The following MRPL39 variants were observed in gnomAD, a reference collection of about 807,000 sequenced individuals.
MRPL39 encodes mitochondrial ribosomal protein L39.
MRPL39 carries 35 observed loss-of-function variants against 44.5 expected under a neutral mutation model. That is an observed-to-expected ratio of 0.79 (90% confidence interval 0.60 to 1.04). The LOEUF is 1.04. Among genes scored for constraint, MRPL39 ranks in the 50% least tolerant of loss-of-function variants. The pLI, the probability that MRPL39 is intolerant of heterozygous loss-of-function variation, is 0.00. For synonymous variants in MRPL39, 139 were observed against 136.1 expected, an observed-to-expected ratio of 1.02 and a Z score of -0.15; for missense variants, 433 against 413.5, an observed-to-expected ratio of 1.05 and a Z score of -0.41.
intron 8 of MRPL39, among the ~76,000 whole-genome samples, chr21:25,591,908 C>T (rs1185347500): frequency 7.2e-5 from 11 of 152,190 alleles, no homozygotes; most frequent in Admixed American, 7.2e-4. Flanking sequence ...CTGAAAATAA[C>T]TCAGATGTCC....
upstream of MRPL39, chr21:25,607,555 A>G: frequency 1.4e-6 from 2 of 1,451,806 alleles, no homozygotes; most frequent in Middle Eastern, 1.8e-4. Context: ...GGAGTTCCGC[A>G]GGACAGGTCT....
intron 6 of MRPL39, 150 bp downstream of exon 6, chr21:25,597,152 G>A (rs2031384384): frequency 1.7e-6 from 1 of 573,614 alleles, no homozygotes; most frequent in Admixed American, 3.8e-5. Flanking sequence ...ATTTTCCTCA[G>A]CGAAATAAAT....
At chr21:25,587,710 G>C in intron 9 of MRPL39, 1 of 1,602,640 alleles carries the variant, frequency 6.2e-7, no homozygotes, top group Non-Finnish European at 8.6e-7. Flanking sequence ...CTCTGAGACT[G>C]TTCCATGGAG....
chr21:25,593,929 G>C lies in MRPL39; in HGVS notation c.731C>G (p.Ala244Gly). The change falls in exon 7 of 10, where the codon GCA becomes GGA. Residue 244 changes from alanine to glycine, a missense_variant. Coordinates refer to ENST00000352957, the MANE Select transcript of MRPL39 (RefSeq NM_017446.4). ...GACTATTCTCTCAGGGTTCTGAGAT[G>C]CCTTCTCTTCTATGAAATCTACTTT... ...KYKVDFIEEK[A>G]SQNPERIVKL... 1 of 1,613,604 alleles carries C rather than the reference G, an allele frequency of 6.2e-7. No individual in the cohort carries two copies. Among genetic ancestry groups the C allele is most frequent in the South Asian group, 1.1e-5 (1 of 91,036 alleles).
intron 8 of MRPL39, among the ~76,000 whole-genome samples, chr21:25,591,310 C>A (rs1291780554): frequency 6.6e-6 from 1 of 151,730 alleles, no homozygotes; most frequent in East Asian, 2.0e-4. Flanking sequence ...AAACTAGTTT[C>A]ATCAAAATTA....
intron 8 of MRPL39, among the ~76,000 whole-genome samples, chr21:25,590,166 C>T (rs2031127323): frequency 6.6e-6 from 1 of 152,090 alleles, no homozygotes; most frequent in South Asian, 2.1e-4. Context: ...TTATAAGGTG[C>T]ATAGATTCAG....
intron 6 of MRPL39, among the ~76,000 whole-genome samples, chr21:25,595,575 A>G (rs1278084105): frequency 6.6e-6 from 1 of 152,236 alleles, no homozygotes; most frequent in Admixed American, 6.5e-5. Context: ...GTAAAGTACC[A>G]TGGTGCACTT....
intron 3 of MRPL39, 29 bp from the exon 4 acceptor site, chr21:25,601,496 A>T: frequency 7.2e-7 from 1 of 1,381,558 alleles, no homozygotes; most frequent in Non-Finnish European, 9.9e-7. Context: ...TATATAAAAT[A>T]TATATAAACA....
chr21:25,599,763 C>T (rs1160601423), intron 5 of MRPL39, 36 bp downstream of exon 5: 2 of 1,522,084 alleles, frequency 1.3e-6, no homozygotes, highest in East Asian at 2.3e-5. Context: ...GAAAGGCAGA[C>T]ACTCTAAAAT....
At chr21:25,592,044 G>T (rs2031194725) in intron 8 of MRPL39, among the ~76,000 whole-genome samples, 1 of 152,186 alleles carries the variant, frequency 6.6e-6, no homozygotes, top group Non-Finnish European at 1.5e-5. Context: ...GAATTATACT[G>T]AGTGAAAAGT....
At chr21:25,592,525 C>A (rs372660905) in intron 8 of MRPL39, among the ~76,000 whole-genome samples, 2 of 152,244 alleles carry the variant, frequency 1.3e-5, no homozygotes, top group East Asian at 3.9e-4. Context: ...GGAAGTCTTA[C>A]CAATACGCAC....
At chr21:25,606,766 G>A (rs1247316564) in intron 1 of MRPL39, 111 bp from the exon 2 acceptor site, 3 of 800,646 alleles carry the variant, frequency 3.7e-6, no homozygotes, top group East Asian at 2.6e-5. Flanking sequence ...AACACCAGCG[G>A]AAGAAACAGA....
chr21:25,603,617 GCCA>G, intron 3 of MRPL39, among the ~76,000 whole-genome samples, 176 bp downstream of exon 3: 1 of 152,252 alleles, frequency 6.6e-6, no homozygotes, highest in East Asian at 1.9e-4. Flanking sequence ...ACAAATGGAT[GCCA>G]CTGATAAGTT....
intron 2 of MRPL39, among the ~76,000 whole-genome samples, chr21:25,605,831 A>G (rs2031647402): frequency 6.6e-6 from 1 of 152,144 alleles, no homozygotes. Context: ...GTGAGCTATG[A>G]TAGTACCACT....
At chr21:25,598,482 T>C (rs905398767) in intron 5 of MRPL39, among the ~76,000 whole-genome samples, 3 of 150,980 alleles carry the variant, frequency 2.0e-5, no homozygotes, top group Non-Finnish European at 4.4e-5. Context: ...AAAGCAGTTA[T>C]GTTTCACAGA....
At chr21:25,602,288 T>G (rs2031545667) in intron 3 of MRPL39, among the ~76,000 whole-genome samples, 2 of 152,210 alleles carry the variant, frequency 1.3e-5, no homozygotes, top group South Asian at 4.1e-4. Context: ...TCAGAATGCC[T>G]AGGTTCAAAT....
At position 25,592,906 on chromosome 21, in the gene MRPL39, A is replaced by C. The variant is rs1408421950; in HGVS notation, c.827T>G (p.Phe276Cys). 4 of 1,613,020 alleles carry C rather than the reference A, an allele frequency of 2.5e-6. No individual in the cohort carries two copies. In the South Asian group the frequency reaches 3.3e-5, roughly 13 times the overall value. Residue 276 changes from phenylalanine to cysteine, a missense_variant, in exon 8 of 10, where the codon TTC (phenylalanine) becomes TGC (cysteine). Phe to Cys is a radical substitution (Grantham distance 205, BLOSUM62 -2). Transcript: ENST00000352957. ...GTGAACTGCTGATACTTCATACTGG[A>C]AACAAATACTTGTTCTTGGAATAAG... is the stretch of plus-strand genomic sequence containing the variant. The part of the protein sequence containing the change: ...GPLIPRTSIC[F>C]QYEVSAVHNL...
intron 9 of MRPL39, among the ~76,000 whole-genome samples, chr21:25,587,982 A>G (rs1353914237): frequency 6.6e-6 from 1 of 152,198 alleles, no homozygotes; most frequent in Non-Finnish European, 1.5e-5. Context: ...CACTTAGCCT[A>G]TGAAATAGGA....
chr21:25,590,075 G>C lies in MRPL39; in HGVS notation c.922-1193C>G, dbSNP rs1601369073. Among the ~76,000 whole-genome samples the C allele has an allele frequency of 2.6e-5, 4 of 152,238 alleles. No homozygotes were observed. The East Asian group carries it at 5.8e-4, about 22-fold the overall frequency. ...TTGGCTACTAAGTGGAAAATGCACT[G>C]TAGATGGCAAGAGTGAAAGCAAGGA... On this transcript the variant is annotated intron_variant, in intron 8 of 9. Coordinates refer to ENST00000352957, the MANE Select transcript of MRPL39 (RefSeq NM_017446.4).
Sources: allele counts gnomAD v4.1 joint callset (sites outside exome capture counted in the v4.1 genomes callset), GRCh38; gene constraint gnomAD v4.1.1; transcripts MANE v1.5; gene names NCBI Gene and HGNC (gene_info 2026-07-23, HGNC 2026-07-21).